Variants in PLXDC2 observed in about 807,000 individuals in gnomAD.
PLXDC2 encodes the protein plexin domain-containing protein 2.
A neutral mutation model predicts 68.9 loss-of-function variants in PLXDC2; 40 were observed. The observed-to-expected ratio is 0.58, with a 90% confidence interval of 0.45 to 0.76. PLXDC2 has a LOEUF of 0.76. PLXDC2 is among the 30% of genes least tolerant of loss of function. The probability of loss-of-function intolerance (pLI) is 0.00; values close to 1 mark genes in which losing one functional copy is unlikely to be tolerated. For missense variants in PLXDC2, 644 were observed against 661.9 expected (o/e 0.97, Z 0.30); for synonymous variants, 243 against 234.2 (o/e 1.04, Z -0.34).
At chr10:20,136,947 A>G (rs945624880) in intron 4 of PLXDC2, among the ~76,000 whole-genome samples, 27 of 152,224 alleles carry the variant, frequency 1.8e-4, no homozygotes, top group African/African-American at 6.0e-4. Flanking sequence ...TGCAACCAAT[A>G]GGAGGTTAAC....
Position 20,271,176 on chromosome 10 carries a change from G to T in PLXDC2, c.1474-8527G>T, listed in dbSNP as rs1159834529. The stretch of plus-strand genomic sequence containing the variant: ...ACACACACACACACAAACAGAGCAA[G>T]ATGCAAGAAAATATACCATCCTAGA... On this transcript the variant is annotated intron_variant, in intron 13 of 13. Transcript: ENST00000377252. 2.8e-5 allele frequency among the ~76,000 whole-genome samples: 3 copies of T among 108,818 alleles called. No homozygotes were observed. The South Asian group carries it at 8.2e-4, about 30-fold the overall frequency. The allele number at this position is 108,818 out of a possible 152,430, so 71.4% of individuals were successfully genotyped here.
chr10:20,046,692 GTA>G (rs1835804525), intron 2 of PLXDC2, among the ~76,000 whole-genome samples, 175 bp from the exon 3 acceptor site: 2 of 151,838 alleles, frequency 1.3e-5, no homozygotes, highest in African/African-American at 2.4e-5. Context: ...CTTACAGTTC[GTA>G]TGTGTGTGTG....
chr10:20,243,353 T>C (rs1835542799), intron 12 of PLXDC2, among the ~76,000 whole-genome samples: 2 of 152,222 alleles, frequency 1.3e-5, no homozygotes, highest in African/African-American at 4.8e-5. Flanking sequence ...GTAATACAAC[T>C]ATCCCTGACA....
At chr10:20,276,801 G>T (rs565953567) in intron 13 of PLXDC2, among the ~76,000 whole-genome samples, 5 of 152,238 alleles carry the variant, frequency 3.3e-5, no homozygotes, top group African/African-American at 1.2e-4. Flanking sequence ...AATCATGCTT[G>T]CAAGTTTGTG....
chr10:19,875,528 G>A (rs1021352583), intron 1 of PLXDC2, among the ~76,000 whole-genome samples: 1 of 152,140 alleles, frequency 6.6e-6, no homozygotes, highest in African/African-American at 2.4e-5. Flanking sequence ...GGTAGTAAAA[G>A]GTCCAAAACT....
At chr10:20,040,591 C>T (rs1362250064) in intron 2 of PLXDC2, among the ~76,000 whole-genome samples, 1 of 152,150 alleles carries the variant, frequency 6.6e-6, no homozygotes, top group Non-Finnish European at 1.5e-5. Context: ...GCAGGGTGGC[C>T]AGACTGTAGC....
intron 13 of PLXDC2, among the ~76,000 whole-genome samples, chr10:20,278,070 G>A (rs72795943): frequency 1.3e-5 from 2 of 152,064 alleles, no homozygotes; most frequent in African/African-American, 4.8e-5. Context: ...TATGTACCAC[G>A]TTTTTTTCAT....
At chr10:20,136,186 A>T (rs909765556) in intron 4 of PLXDC2, among the ~76,000 whole-genome samples, 1 of 152,204 alleles carries the variant, frequency 6.6e-6, no homozygotes, top group Admixed American at 6.5e-5. Flanking sequence ...CTCATAGTGA[A>T]CTATGTGGTC....
intron 1 of PLXDC2, among the ~76,000 whole-genome samples, chr10:19,991,958 ACCTGTTAG>A (rs1252890302): frequency 6.6e-6 from 1 of 152,196 alleles, no homozygotes; most frequent in Non-Finnish European, 1.5e-5. Context: ...AGTGGGACTT[ACCTGTTAG>A]TTCAGAGCCC....
chr10:20,082,947 A>ATATGTATGTATGTATG (rs143600746), intron 4 of PLXDC2, among the ~76,000 whole-genome samples: 5,493 of 151,716 alleles, frequency 0.036, 367 homozygotes, highest in African/African-American at 0.13. Flanking sequence ...ATATGTACAT[A>ATATGTATGTATGTATG]TATGTATGTA....
At chr10:20,080,567 G>A (rs1836535457) in intron 4 of PLXDC2, among the ~76,000 whole-genome samples, 1 of 152,124 alleles carries the variant, frequency 6.6e-6, no homozygotes, top group South Asian at 2.1e-4. Context: ...AAAGATGAAG[G>A]CCAGAAGAGT....
In PLXDC2 at chr10:20,125,618, G is replaced by A. The variant is rs115348050; in HGVS notation, c.542-17677G>A. 3.7e-3 allele frequency among the ~76,000 whole-genome samples: 565 copies of A among 152,290 alleles called. 4 individuals are homozygous for A. Among genetic ancestry groups the A allele is most frequent in the African/African-American group, 0.013 (548 of 41,560 alleles). On this transcript the variant is annotated intron_variant, in intron 4 of 13. Coordinates refer to ENST00000377252, the MANE Select transcript of PLXDC2 (RefSeq NM_032812.9). The stretch of plus-strand genomic sequence containing the variant: ...GGACTGCAAAGATCAAGAGCAAAGA[G>A]AGGAATCAATGCAGCTATAGAGAGA...
At position 20,135,352 on chromosome 10, in the gene PLXDC2, C is replaced by T. The variant is rs995205929; in HGVS notation, c.542-7943C>T. ...CAGTCTAGAAATGGTTCTGAATGAA[C>T]CCATATCTAGAAATCCTAGATAATC... On this transcript the variant is annotated intron_variant, in intron 4 of 13. Transcript: ENST00000377252. Among the ~76,000 whole-genome samples, 10 of 152,058 alleles carry T rather than the reference C, an allele frequency of 6.6e-5. 1 individual carries two copies. Among genetic ancestry groups the T allele is most frequent in the Admixed American group, 3.9e-4 (6 of 15,274 alleles).
chr10:20,245,321 C>A (rs1456026913), intron 12 of PLXDC2, 24 bp from the exon 13 acceptor site: 2 of 1,593,554 alleles, frequency 1.3e-6, no homozygotes, highest in African/African-American at 2.7e-5. Flanking sequence ...CATGAAGGTC[C>A]TGACAGCTGG....
At chr10:20,075,544 T>A in intron 4 of PLXDC2, among the ~76,000 whole-genome samples, 1 of 152,208 alleles carries the variant, frequency 6.6e-6, no homozygotes, top group East Asian at 1.9e-4. Flanking sequence ...TTCTCCTGCA[T>A]GTCTGTCCAT....
At chr10:20,162,042 AAGAGAGAGAG>A (rs139175193) in intron 6 of PLXDC2, among the ~76,000 whole-genome samples, 7,249 of 72,036 alleles carry the variant, frequency 0.1, 825 homozygotes, top group East Asian at 0.24. Context: ...GAAAGAAAGA[AAGAGAGAGAG>A]AGAGAGAGAG....
chr10:19,820,610 C>T (rs1247879925), intron 1 of PLXDC2, among the ~76,000 whole-genome samples: 3 of 143,950 alleles, frequency 2.1e-5, no homozygotes, highest in Non-Finnish European at 3.0e-5. Context: ...GTCCGCAGTC[C>T]GGCCTGGGCG....
chr10:19,916,140 T>TG (rs907317162), intron 1 of PLXDC2, among the ~76,000 whole-genome samples: 2 of 149,456 alleles, frequency 1.3e-5, no homozygotes, highest in African/African-American at 4.9e-5. Context: ...TGTTTTGTTT[T>TG]TTTTTTTTAA....
chr10:19,868,469 A>G (rs1837463141), intron 1 of PLXDC2, among the ~76,000 whole-genome samples: 1 of 152,230 alleles, frequency 6.6e-6, no homozygotes, highest in Non-Finnish European at 1.5e-5. Context: ...ATTCTCGGAA[A>G]TAGCAACCAA....
Sources: gnomAD v4.1 joint callset for allele counts (sites outside exome capture counted in the v4.1 genomes callset) on GRCh38, gnomAD v4.1.1 for gene constraint, MANE v1.5 for transcripts, NCBI Gene and HGNC (gene_info 2026-07-23, HGNC 2026-07-21) for gene names.